The following SFXN5 variants were observed in gnomAD, a reference collection of about 807,000 sequenced individuals.
The protein encoded by SFXN5 is sideroflexin 5, also known as sideroflexin-5.
A neutral mutation model predicts 50.2 loss-of-function variants in SFXN5; 43 were observed. That is an observed-to-expected ratio of 0.86 (90% CI 0.67 to 1.11). SFXN5 has a LOEUF of 1.11. Ranked by LOEUF, SFXN5 falls within the 50% of genes least tolerant of loss-of-function variation. SFXN5 has a pLI of 0.00. For missense variants in SFXN5, 463 were observed against 454.1 expected, an observed-to-expected ratio of 1.02 and a Z score of -0.18; for synonymous variants, 203 against 185.8, an observed-to-expected ratio of 1.09 and a Z score of -0.75.
chr2:72,986,777 C>T (rs1176316077), intron 10 of SFXN5, among the ~76,000 whole-genome samples: 1 of 152,188 alleles, frequency 6.6e-6, no homozygotes, highest in Admixed American at 6.5e-5. Context: ...ATCTCCAGGG[C>T]CCCAGCCTGG....
At chr2:73,033,274 T>C (rs908619235) in intron 3 of SFXN5, among the ~76,000 whole-genome samples, 1 of 152,190 alleles carries the variant, frequency 6.6e-6, no homozygotes, top group African/African-American at 2.4e-5. Flanking sequence ...TAAGGACACA[T>C]CAGTGACAAA....
chr2:73,006,275 C>A (rs1674625095), intron 6 of SFXN5, among the ~76,000 whole-genome samples: 1 of 152,142 alleles, frequency 6.6e-6, no homozygotes, highest in Admixed American at 6.5e-5. Context: ...TGCAGAACTG[C>A]CTCAGTCAAG....
intron 6 of SFXN5, among the ~76,000 whole-genome samples, chr2:73,008,383 G>A (rs1675014958): frequency 6.6e-6 from 1 of 152,230 alleles, no homozygotes; most frequent in Admixed American, 6.5e-5. Flanking sequence ...GAGGGAAGCA[G>A]TGCTGTGGGG....
At chr2:73,005,106 C>T (rs1013979704) in intron 6 of SFXN5, among the ~76,000 whole-genome samples, 6 of 152,118 alleles carry the variant, frequency 3.9e-5, no homozygotes, top group African/African-American at 2.4e-5. Context: ...GGGTGGAGAG[C>T]GCCCAGAATG....
chr2:73,050,388 G>GCGCACACACACA, intron 2 of SFXN5, among the ~76,000 whole-genome samples: 127 of 143,912 alleles, frequency 8.8e-4, no homozygotes, highest in East Asian at 4.4e-3. Flanking sequence ...CAGCCACAGC[G>GCGCACACACACA]CACGCACACA....
Position 72,945,644 on chromosome 2 carries a change from C to T in SFXN5, c.946-545G>A, listed in dbSNP as rs1179551009. Reference sequence around the variant, plus strand: ...GTCTTTACATCTTCCCCTGCAGTCCCGATTCCAGGGGCCATCCCTTCAGCT... The same window carrying T: ...GTCTTTACATCTTCCCCTGCAGTCCTGATTCCAGGGGCCATCCCTTCAGCT... On this transcript the variant is annotated intron_variant, in intron 13 of 13. Transcript: ENST00000272433. The surrounding 1 kb of genome is among the most constrained non-coding windows in gnomAD (Gnocchi z 5.8). Among the ~76,000 whole-genome samples the T allele has an allele frequency of 6.6e-6, 1 of 152,130 alleles. No individual in the cohort carries two copies. The highest frequency in any genetic ancestry group is 1.5e-5 in the Non-Finnish European group (1 of 68,018).
At chr2:73,006,451 A>G (rs1674652682) in intron 6 of SFXN5, among the ~76,000 whole-genome samples, 2 of 152,076 alleles carry the variant, frequency 1.3e-5, no homozygotes, top group African/African-American at 2.4e-5. Flanking sequence ...GCGAAACCCC[A>G]TCTCTAGTAA....
Position 72,988,244 on chromosome 2 carries a change from T to C in SFXN5, c.625+14A>G, listed in dbSNP as rs1378904394. 4 of 1,612,154 alleles carry C rather than the reference T, an allele frequency of 2.5e-6. No homozygotes were observed. The highest frequency in any genetic ancestry group is 3.3e-5 in the Admixed American group (2 of 59,962). On this transcript the variant is annotated intron_variant, in intron 10 of 13. Transcript: ENST00000272433. ...CCACCCACAGCACACATCTATGTGG[T>C]GTGCAGGTCTTACCTACAGCAGGGA...
At position 73,047,263 on chromosome 2, in the gene SFXN5, T is replaced by TACACAC. The variant is rs1285572080; in HGVS notation, c.172-6333_172-6332insGTGTGT. On this transcript the variant is annotated intron_variant, in intron 2 of 13. Coordinates refer to ENST00000272433, the MANE Select transcript of SFXN5 (RefSeq NM_144579.3). Reference sequence around the variant, plus strand: ...AAAAAAAAATATATATATATATATATATATATATATATACACACATATATA... The same window carrying TACACAC: ...AAAAAAAAATATATATATATATATATACACACATATATATATATACACACATATATA... Among the ~76,000 whole-genome samples, 138 of 77,220 alleles carry TACACAC rather than the reference T, an allele frequency of 1.8e-3. 1 individual carries two copies. The highest frequency in any genetic ancestry group is 7.0e-3 in the African/African-American group (134 of 19,058). The allele number at this position is 77,220 out of a possible 152,430, so 50.7% of individuals were successfully genotyped here.
chr2:73,062,566 C>T (rs1176104480), intron 1 of SFXN5, among the ~76,000 whole-genome samples: 4 of 152,166 alleles, frequency 2.6e-5, no homozygotes, highest in East Asian at 1.9e-4. Flanking sequence ...TCACTTTCGA[C>T]CATAGCTACT....
chr2:73,050,394 A>G (rs62147754), intron 2 of SFXN5, among the ~76,000 whole-genome samples: 80,417 of 142,636 alleles, frequency 0.56, 26,038 homozygotes, highest in Non-Finnish European at 0.72. Flanking sequence ...CAGCGCACGC[A>G]CACACACACA....
intron 9 of SFXN5, among the ~76,000 whole-genome samples, chr2:72,991,853 C>T (rs558599037): frequency 6.6e-6 from 1 of 152,292 alleles, no homozygotes; most frequent in Non-Finnish European, 1.5e-5. Context: ...AAAATCAGAG[C>T]TAATAATCGG....
At position 73,034,070 on chromosome 2, in the gene SFXN5, T is replaced by C. The variant is rs72920436; in HGVS notation, c.249+6784A>G. Among the ~76,000 whole-genome samples, 531 of 152,304 alleles carry C rather than the reference T, an allele frequency of 3.5e-3. 1 individual carries two copies. Among genetic ancestry groups the C allele is most frequent in the African/African-American group, 0.011 (444 of 41,564 alleles). ...GTCACTCTGTGTGCTGTATCAGCAA[T>C]GGACAGAGGAGCCCAGGTAGTATAG... On this transcript the variant is annotated intron_variant, in intron 3 of 13. Coordinates refer to ENST00000272433, the MANE Select transcript of SFXN5 (RefSeq NM_144579.3).
chr2:73,046,475 CCTAT>C (rs138863621), intron 2 of SFXN5, among the ~76,000 whole-genome samples: 2,130 of 150,912 alleles, frequency 0.014, 61 homozygotes, highest in African/African-American at 0.049. Flanking sequence ...TAGGAAACAA[CCTAT>C]CTGTTAGACC....
At position 72,947,000 on chromosome 2, in the gene SFXN5, G is replaced by A. The variant is rs531419652; in HGVS notation, c.946-1901C>T. On this transcript the variant is annotated intron_variant, in intron 13 of 13. Transcript: ENST00000272433. ...TGCCTGAGTTGTTCAGAGACACCCC[G>A]TCCTACTTCCATTCCTGCCCCTACT... 1.6e-4 allele frequency among the ~76,000 whole-genome samples: 25 copies of A among 152,230 alleles called. No homozygotes were observed. The South Asian group carries it at 3.7e-3, about 23-fold the overall frequency.
chr2:73,047,220 A>T (rs1161471717), intron 2 of SFXN5, among the ~76,000 whole-genome samples: 2 of 19,174 alleles, frequency 1.0e-4, no homozygotes, highest in African/African-American at 1.6e-4. Context: ...TCCATCTCGT[A>T]AAAAAAAAAA....
intron 2 of SFXN5, among the ~76,000 whole-genome samples, chr2:73,045,679 T>C (rs1272048959): frequency 6.6e-6 from 1 of 152,014 alleles, no homozygotes; most frequent in African/African-American, 2.4e-5. Flanking sequence ...CCGTGCATCC[T>C]TACCACAGCT....
At chr2:73,007,508 C>A (rs1206508686) in intron 6 of SFXN5, among the ~76,000 whole-genome samples, 1 of 152,094 alleles carries the variant, frequency 6.6e-6, no homozygotes, top group Non-Finnish European at 1.5e-5. Context: ...GTCACGCGCT[C>A]TCCGGCACCC....
intron 12 of SFXN5, among the ~76,000 whole-genome samples, chr2:72,962,090 G>A (rs373533485): frequency 9.8e-5 from 15 of 152,320 alleles, no homozygotes; most frequent in East Asian, 7.7e-4. Flanking sequence ...TGTGTTCATC[G>A]GAGCTTCCTG....
Sources: allele counts gnomAD v4.1 joint callset (sites outside exome capture counted in the v4.1 genomes callset), GRCh38; gene constraint gnomAD v4.1.1; non-coding constraint Gnocchi (gnomAD v3.1); transcripts MANE v1.5; gene names NCBI Gene and HGNC (gene_info 2026-07-23, HGNC 2026-07-21).